The following DACT2 variants were observed in gnomAD, a reference collection of about 807,000 sequenced individuals.
DACT2 encodes dishevelled binding antagonist of beta catenin 2, also known as dapper homolog 2.
In DACT2, 20 loss-of-function variants were observed where a neutral mutation model predicts 22.2. The ratio of observed to expected loss-of-function variants is 0.90; its 90% CI spans 0.63 to 1.31. The LOEUF (loss-of-function observed/expected upper bound fraction) is 1.31, where lower values mean the gene tolerates loss of function less well. Among genes scored for constraint, DACT2 ranks in the 50% most tolerant of loss-of-function variants. DACT2 has a pLI of 0.00. For missense variants in DACT2, 1,048 were observed against 1,061.4 expected, an observed-to-expected ratio of 0.99 and a Z score of 0.18; for synonymous variants, 463 against 479.8, an observed-to-expected ratio of 0.96 and a Z score of 0.46.
chr6:168,295,229 C>T (rs1036355686), intron 3 of DACT2, among the ~76,000 whole-genome samples: 7 of 152,276 alleles, frequency 4.6e-5, no homozygotes, highest in South Asian at 4.1e-4. Flanking sequence ...CCCACTTTTC[C>T]GCAGATATAA....
Position 168,319,490 on chromosome 6 carries a change from G to T in DACT2, c.144C>A (p.Ala48=). Residue 48 remains alanine (A), a synonymous_variant, in exon 1 of 4, where the codon GCC becomes GCA. Coordinates refer to ENST00000366795, the MANE Select transcript of DACT2 (RefSeq NM_214462.5). ...CGGCGGGCGCGGGCGGGGGCTGCAG[G>T]GCCAGGGCGCCCCGTACCCGCTCCT... ...TQQERVRGAL[A]LQPPPAPAAP... is the part of the protein sequence containing the mutation. 1 of 1,256,870 alleles carries T rather than the reference G, an allele frequency of 8.0e-7. No homozygotes were observed. The highest frequency in any genetic ancestry group is 1.0e-6 in the Non-Finnish European group (1 of 997,332). 77.9% of individuals were successfully genotyped at this position (1,256,870 alleles called of 1,614,324 possible).
At chr6:168,303,229 G>A (rs915413721), downstream of DACT2, among the ~76,000 whole-genome samples, 7 of 152,048 alleles carry the variant, frequency 4.6e-5, no homozygotes, top group African/African-American at 1.2e-4. Flanking sequence ...ACAGAACCTC[G>A]GATTCTGTCA....
Position 168,319,537 on chromosome 6 carries a change from G to T in DACT2, c.97C>A (p.Gln33Lys). 1 of 1,373,840 alleles carries T rather than the reference G, an allele frequency of 7.3e-7. No homozygotes were observed. Among genetic ancestry groups the T allele is most frequent in the South Asian group, 1.6e-5 (1 of 64,196 alleles). 85.1% of individuals were successfully genotyped at this position (1,373,840 alleles called of 1,614,324 possible). ...TCCTGCTGCGTGGCTCGCAGCCCCT[G>T]CAGCTCCTGCAGCCCCGCGAACGCC... ...RAAFAGLQEL[Q>K]GLRATQQERV... is the part of the protein sequence containing the mutation. Residue 33 changes from glutamine (Q) to lysine (K), a missense_variant, in exon 1 of 4, where the codon CAG becomes AAG. Transcript: ENST00000366795.
intron 3 of DACT2, 81 bp downstream of exon 3, chr6:168,310,087 C>A: frequency 6.6e-7 from 1 of 1,514,404 alleles, no homozygotes; most frequent in Non-Finnish European, 8.8e-7. Flanking sequence ...GTCCCCGGCT[C>A]TGCCCTCAGC....
intron 3 of DACT2, among the ~76,000 whole-genome samples, chr6:168,295,285 C>T (rs1332400684): frequency 6.6e-6 from 1 of 152,188 alleles, no homozygotes; most frequent in African/African-American, 2.4e-5. Context: ...CCTTTGGCTG[C>T]TTAAATTTTG....
At position 168,307,300 on chromosome 6, in the gene DACT2, A is replaced by T; in HGVS notation, c.*132T>A. On this transcript the variant is annotated 3_prime_UTR_variant, in exon 4 of 4. Coordinates refer to ENST00000366795, the MANE Select transcript of DACT2 (RefSeq NM_214462.5). This position sits in a 1 kb window ranked among gnomAD's most constrained non-coding sequence, Gnocchi z 5.3. ...CACAGGGCAGAACCCATCTGCGGGGACTCCTGTTAAACGGTGGCCTCGGAA... is the reference window on the plus strand; with the variant it reads ...CACAGGGCAGAACCCATCTGCGGGGTCTCCTGTTAAACGGTGGCCTCGGAA... 6.8e-7 allele frequency: 1 copy of T among 1,470,372 alleles called. No homozygotes were observed. Among genetic ancestry groups the T allele is most frequent in the Non-Finnish European group, 9.0e-7 (1 of 1,112,100 alleles). The allele number at this position is 1,470,372 out of a possible 1,614,324, so 91.1% of individuals were successfully genotyped here. A position where few individuals can be genotyped will look rare whatever the true frequency, so the allele number is the denominator to read the frequency against.
downstream of DACT2, among the ~76,000 whole-genome samples, chr6:168,303,759 C>T (rs1418262752): frequency 3.3e-5 from 5 of 151,500 alleles, no homozygotes; most frequent in African/African-American, 1.2e-4. Context: ...CGCTTATATT[C>T]CTGAATTTGA....
chr6:168,309,040 G>T lies in DACT2; in HGVS notation c.717C>A (p.Ala239=). The part of the protein sequence containing the change: ...DTGLQKASAD[A]ELLGLLCQGV... ...CCTGGCAGAGGAGCCCGAGGAGCTC[G>T]GCGTCCGCGCTGGCTTTCTGGAGCC... The change falls in exon 4 of 4, where the codon GCC becomes GCA. Residue 239 remains alanine, a synonymous_variant. Transcript: ENST00000366795. 1.3e-6 allele frequency: 2 copies of T among 1,544,122 alleles called. No homozygotes were observed. Among genetic ancestry groups the T allele is most frequent in the South Asian group, 1.2e-5 (1 of 83,980 alleles).
chr6:168,307,480 C>A lies in DACT2; in HGVS notation c.2277G>T (p.Lys759Asn). 6.4e-7 allele frequency: 1 copy of A among 1,551,582 alleles called. No individual in the cohort carries two copies. The highest frequency in any genetic ancestry group is 8.7e-7 in the Non-Finnish European group (1 of 1,146,980). ...RIKASKALKK[K>N]IRRFQPTALK... ...GGGCCGTCGGCTGGAACCTGCGGAT[C>A]TTCTTCTTCAGGGCCTTGGAGGCCT... Residue 759 changes from lysine to asparagine, a missense_variant, in exon 4 of 4, where the codon AAG (lysine) becomes AAT (asparagine). Physicochemically the swap from Lys to Asn is moderately conservative, Grantham distance 94 (BLOSUM62 0). Coordinates refer to ENST00000366795, the MANE Select transcript of DACT2 (RefSeq NM_214462.5). The surrounding 1 kb of genome is among the most constrained non-coding windows in gnomAD (Gnocchi z 5.3).
chr6:168,319,649 C>G lies in DACT2; in HGVS notation c.-16G>C. On this transcript the variant is annotated 5_prime_UTR_variant, in exon 1 of 4. Transcript: ENST00000366795. ...GCGTCCACATCTCCCGGGCAGGGTCCCGGCCTCCCGAACCCCACGAGCGGC... is the reference window on the plus strand; with the variant it reads ...GCGTCCACATCTCCCGGGCAGGGTCGCGGCCTCCCGAACCCCACGAGCGGC... 1 of 1,234,132 alleles carries G rather than the reference C, an allele frequency of 8.1e-7. No homozygotes were observed. Among genetic ancestry groups the G allele is most frequent in the Non-Finnish European group, 1.0e-6 (1 of 986,400 alleles). The allele number at this position is 1,234,132 out of a possible 1,614,324, so 76.4% of individuals were successfully genotyped here. A position where few individuals can be genotyped will look rare whatever the true frequency, so the allele number is the denominator to read the frequency against.
At position 168,308,456 on chromosome 6, in the gene DACT2, C is replaced by T. The variant is rs1378079144; in HGVS notation, c.1301G>A (p.Arg434Lys). The change falls in exon 4 of 4, where the codon AGG (arginine) becomes AAG (lysine). Residue 434 changes from arginine to lysine, a missense_variant. Physicochemically the swap from Arg to Lys is conservative, Grantham distance 26 (BLOSUM62 2). Coordinates refer to ENST00000366795, the MANE Select transcript of DACT2 (RefSeq NM_214462.5). ...GGGAGAAGCCTGCACCATGGTCTCCCTGAGGACACAGCTGTTTGAGGGCTT... is the reference window on the plus strand; with the variant it reads ...GGGAGAAGCCTGCACCATGGTCTCCTTGAGGACACAGCTGTTTGAGGGCTT... Reference protein sequence around the residue: ...GSKPSNSCVLRETMVQASPSS... With the variant: ...GSKPSNSCVLKETMVQASPSS... The T allele has an allele frequency of 6.4e-7, 1 of 1,551,704 alleles. No individual in the cohort carries two copies.
downstream of DACT2, among the ~76,000 whole-genome samples, chr6:168,302,526 G>A (rs966907014): frequency 2.6e-5 from 4 of 152,334 alleles, no homozygotes; most frequent in East Asian, 1.9e-4. Context: ...CTCAATTGAG[G>A]TAAAAATAAT....
In DACT2 at chr6:168,307,723, G is replaced by A; in HGVS notation, c.2034C>T (p.Ile678=). Residue 678 remains isoleucine (I), a synonymous_variant, in exon 4 of 4, where the codon ATC becomes ATT. Coordinates refer to ENST00000366795, the MANE Select transcript of DACT2 (RefSeq NM_214462.5). This position sits in a 1 kb window ranked among gnomAD's most constrained non-coding sequence, Gnocchi z 5.3. ...AECDPRFPSV[I]PETSEGESSD... is the part of the protein sequence containing the mutation. Reference sequence around the variant, plus strand: ...TGGACTCTCCCTCGCTGGTCTCCGGGATGACTGACGGGAACCGCGGGTCAC... The same window carrying A: ...TGGACTCTCCCTCGCTGGTCTCCGGAATGACTGACGGGAACCGCGGGTCAC... 6.5e-7 allele frequency: 1 copy of A among 1,549,800 alleles called. No homozygotes were observed. Among genetic ancestry groups the A allele is most frequent in the East Asian group, 2.4e-5 (1 of 40,884 alleles).
At chr6:168,293,780 C>T (rs903441458) in exon 6 of DACT2, 15 of 681,738 alleles carry the variant, frequency 2.2e-5, no homozygotes, top group African/African-American at 3.6e-5. Flanking sequence ...AGTGACTTGG[C>T]GGGCAGAGGG....
At chr6:168,304,647 C>G (rs1457530936), downstream of DACT2, among the ~76,000 whole-genome samples, 2 of 152,234 alleles carry the variant, frequency 1.3e-5, no homozygotes, top group Non-Finnish European at 2.9e-5. Context: ...ACCCCTTGCC[C>G]CTACTGTGGG....
chr6:168,306,482 G>C (rs113875631), downstream of DACT2, among the ~76,000 whole-genome samples: 10,818 of 150,700 alleles, frequency 0.072, 429 homozygotes, highest in Middle Eastern at 0.089. Flanking sequence ...TCACTCTGTA[G>C]CCCAAGCTGG....
chr6:168,316,443 G>T (rs551476453), intron 1 of DACT2, among the ~76,000 whole-genome samples: 1 of 68,642 alleles, frequency 1.5e-5, no homozygotes, highest in Non-Finnish European at 2.7e-5. Flanking sequence ...ATTGTGTCTG[G>T]TGCAAACACA....
chr6:168,309,126 G>GT, intron 3 of DACT2, 28 bp from the exon 4 acceptor site: 1 of 1,487,802 alleles, frequency 6.7e-7, no homozygotes. Context: ...GAACAAACAC[G>GT]TAACTACGGA....
Position 168,294,331 on chromosome 6 carries a change from G to A in DACT2, c.731-134C>T, listed in dbSNP as rs76770511. On this transcript the variant is annotated intron_variant, in intron 4 of 5. Coordinates refer to the DACT2 transcript ENST00000366796. ...AGAGGAAGGGGAAGAGGACGGCCAC[G>A]CTTCTCCCCTCCTAGTCCTTCCCTA... 1.1e-3 allele frequency: 758 copies of A among 679,034 alleles called. 7 individuals carry two copies. The East Asian group carries it at 0.019, about 17-fold the overall frequency. The allele number at this position is 679,034 out of a possible 1,614,324, so 42.1% of individuals were successfully genotyped here.
Sources: gnomAD v4.1 joint callset for allele counts (sites outside exome capture counted in the v4.1 genomes callset) on GRCh38, gnomAD v4.1.1 for gene constraint, Gnocchi (gnomAD v3.1) non-coding constraint, MANE v1.5 for transcripts, NCBI Gene and HGNC (gene_info 2026-07-23, HGNC 2026-07-21) for gene names.